RARG: variants seen among roughly 807,000 people sequenced by gnomAD.
RARG encodes the protein retinoic acid receptor gamma.
In RARG, 17 loss-of-function variants were observed where a neutral mutation model predicts 43.7. The observed-to-expected ratio is 0.39, with a 90% CI of 0.27 to 0.58. The LOEUF (loss-of-function observed/expected upper bound fraction) is 0.58. RARG is among the 20% of genes least tolerant of loss of function. The pLI, the probability that RARG is intolerant of heterozygous loss-of-function variation, is 0.57. For synonymous variants in RARG, 238 were observed against 236.4 expected, an observed-to-expected ratio of 1.01 and a Z score of -0.06; for missense variants, 346 against 598.7, an observed-to-expected ratio of 0.58 and a Z score of 4.40.
rs1467202260 is a variant in RARG, at chr12:53,213,400, C to T, written c.1018+96G>A. ...TGCAAGAATTACCAGCAGAAGAGAC[C>T]ACTGGGTCCTCCACGCCCCCTCCCA... On this transcript the variant is annotated intron_variant, in intron 8 of 9. Transcript: ENST00000425354. The surrounding 1 kb of genome is among the most constrained non-coding windows in gnomAD (Gnocchi z 4.7). 3.3e-6 allele frequency: 5 copies of T among 1,506,534 alleles called. No individual in the cohort carries two copies. The highest frequency in any genetic ancestry group is 4.6e-6 in the Non-Finnish European group (5 of 1,096,314). The allele number at this position is 1,506,534 out of a possible 1,614,324, so 93.3% of individuals were successfully genotyped here.
Position 53,211,886 on chromosome 12 carries a change from G to C in RARG, c.1178-23C>G. 2.9e-6 allele frequency: 4 copies of C among 1,389,728 alleles called. No individual in the cohort carries two copies. Among genetic ancestry groups the C allele is most frequent in the Non-Finnish European group, 3.8e-6 (4 of 1,048,370 alleles). The allele number at this position is 1,389,728 out of a possible 1,614,324, so 86.1% of individuals were successfully genotyped here. A position where few individuals can be genotyped will look rare whatever the true frequency, so the allele number is the denominator to read the frequency against. On this transcript the variant is annotated intron_variant, in intron 9 of 9. Coordinates refer to ENST00000425354, the MANE Select transcript of RARG (RefSeq NM_000966.6). The surrounding 1 kb of genome is among the most constrained non-coding windows in gnomAD (Gnocchi z 4.6). Reference sequence around the variant, plus strand: ...CTCCTACAATGGAGAGAGAAAGAGAGAGGCTCAGGAGGACAGAGGCACATG... The same window carrying C: ...CTCCTACAATGGAGAGAGAAAGAGACAGGCTCAGGAGGACAGAGGCACATG...
intron 3 of RARG, among the ~76,000 whole-genome samples, chr12:53,224,767 C>T (rs7488099): frequency 1.5e-4 from 23 of 152,108 alleles, no homozygotes; most frequent in South Asian, 4.2e-4. Flanking sequence ...CCAGGCTAGC[C>T]GCACCCTCCC....
intron 3 of RARG, among the ~76,000 whole-genome samples, chr12:53,221,828 G>T (rs1325209812): frequency 6.6e-6 from 1 of 151,630 alleles, no homozygotes; most frequent in African/African-American, 2.4e-5. Flanking sequence ...CCGCGGAGCG[G>T]GAGCGGCGCC....
chr12:53,220,293 G>C, intron 3 of RARG: 2 of 1,428,690 alleles, frequency 1.4e-6, no homozygotes, highest in Non-Finnish European at 1.8e-6. Flanking sequence ...GGACTGGGCG[G>C]GGCGCGAAGC....
At position 53,227,526 on chromosome 12, in the gene RARG, C is replaced by T. The variant is rs1314152214; in HGVS notation, c.20G>A (p.Arg7Gln). The change falls in exon 3 of 10, where the codon CGA (arginine) becomes CAA (glutamine). Residue 7 changes from arginine to glutamine, a missense_variant. By Grantham distance (43) the Arg-to-Gln change is conservative. Coordinates refer to ENST00000425354, the MANE Select transcript of RARG (RefSeq NM_000966.6). The surrounding 1 kb of genome is among the most constrained non-coding windows in gnomAD (Gnocchi z 4.3). Reference protein sequence around the residue: MATNKERLFAAGALGPG... With the variant: MATNKEQLFAAGALGPG... ...CCCCAGGGCACCAGCCGCAAAGAGT[C>T]GCTCCTTATTGGTGGCCATGGCAGC... 3 of 1,592,446 alleles carry T rather than the reference C, an allele frequency of 1.9e-6. No individual in the cohort carries two copies. Among genetic ancestry groups the T allele is most frequent in the African/African-American group, 1.4e-5 (1 of 74,004 alleles).
At position 53,214,113 on chromosome 12, in the gene RARG, C is replaced by T. The variant is rs1942689128; in HGVS notation, c.759G>A (p.Gly253=). 1.2e-6 allele frequency: 2 copies of T among 1,614,062 alleles called. No homozygotes were observed. The highest frequency in any genetic ancestry group is 3.3e-4 in the Middle Eastern group (2 of 6,062). ...GAGTGATCTGGTCAGCAATGCTGAG[C>T]CCTGTAAAGCCAGGCAACCGCTTGG... ...EFAKRLPGFT[G]LSIADQITLL... The change falls in exon 7 of 10, where the codon GGG becomes GGA. Residue 253 remains glycine, a synonymous_variant. Coordinates refer to ENST00000425354, the MANE Select transcript of RARG (RefSeq NM_000966.6).
intron 9 of RARG, among the ~76,000 whole-genome samples, chr12:53,212,414 T>A (rs1310644157): frequency 6.6e-6 from 1 of 151,868 alleles, no homozygotes; most frequent in Admixed American, 6.6e-5. Flanking sequence ...ATGTTACAGG[T>A]TTTTTTTGTT....
In RARG at chr12:53,211,656, G is replaced by A. The variant is rs369078533; in HGVS notation, c.*20C>T. ...TGCCTGAAGCCCCAACCCCCACAGCGGGGAGGTCAGGGGCCCTGGTCAGGC... is the reference window on the plus strand; with the variant it reads ...TGCCTGAAGCCCCAACCCCCACAGCAGGGAGGTCAGGGGCCCTGGTCAGGC... On this transcript the variant is annotated 3_prime_UTR_variant, in exon 10 of 10. Coordinates refer to ENST00000425354, the MANE Select transcript of RARG (RefSeq NM_000966.6). This position sits in a 1 kb window ranked among gnomAD's most constrained non-coding sequence, Gnocchi z 4.6. 36 of 1,444,514 alleles carry A rather than the reference G, an allele frequency of 2.5e-5. No individual in the cohort carries two copies. Among genetic ancestry groups the A allele is most frequent in the Non-Finnish European group, 3.2e-5 (35 of 1,099,168 alleles). The allele number at this position is 1,444,514 out of a possible 1,614,324, so 89.5% of individuals were successfully genotyped here.
chr12:53,220,218 G>A lies in RARG; in HGVS notation c.185-4424C>T, dbSNP rs1398833161. 3.2e-6 allele frequency: 5 copies of A among 1,539,690 alleles called. No individual in the cohort carries two copies. The South Asian group carries it at 6.0e-5, about 18-fold the overall frequency. On this transcript the variant is annotated intron_variant, in intron 3 of 9. Coordinates refer to ENST00000425354, the MANE Select transcript of RARG (RefSeq NM_000966.6). ...GGGGGGGAGGGGGAGGGCTAGCATA[G>A]GGCGCTGGGCTGCATGCGGGTAAGG...
At chr12:53,225,330 C>G (rs921496519) in intron 3 of RARG, among the ~76,000 whole-genome samples, 1 of 152,226 alleles carries the variant, frequency 6.6e-6, no homozygotes, top group Admixed American at 6.5e-5. Flanking sequence ...TCCCTCCTCA[C>G]TCCTCACACT....
chr12:53,214,335 T>C (rs956966295), intron 6 of RARG, 100 bp from the exon 7 acceptor site: 5 of 1,538,132 alleles, frequency 3.3e-6, no homozygotes, highest in Middle Eastern at 4.5e-4. Flanking sequence ...CTCTGCATTC[T>C]GATGCCCTCC....
Position 53,213,436 on chromosome 12 carries a change from G to A in RARG, c.1018+60C>T, listed in dbSNP as rs757840628. 14 of 1,569,714 alleles carry A rather than the reference G, an allele frequency of 8.9e-6. No homozygotes were observed. The highest frequency in any genetic ancestry group is 1.7e-4 in the Middle Eastern group (1 of 6,014). On this transcript the variant is annotated intron_variant, in intron 8 of 9. Transcript: ENST00000425354. This position sits in a 1 kb window ranked among gnomAD's most constrained non-coding sequence, Gnocchi z 4.7. Reference sequence around the variant, plus strand: ...CCACGCCCCCTCCCAGACAGATTCCGCATGGAGTGGTGGGAAAGGAGACTG... The same window carrying A: ...CCACGCCCCCTCCCAGACAGATTCCACATGGAGTGGTGGGAAAGGAGACTG...
Position 53,227,392 on chromosome 12 carries a change from G to A in RARG, c.154C>T (p.Pro52Ser), listed in dbSNP as rs200289157. The A allele has an allele frequency of 1.1e-4, 173 of 1,596,092 alleles. 1 individual carries two copies. The East Asian group carries it at 2.0e-3, about 19-fold the overall frequency. The change falls in exon 3 of 10, where the codon CCT becomes TCT. Residue 52 changes from proline to serine, a missense_variant. Physicochemically the swap from Pro to Ser is moderately conservative, Grantham distance 74 (BLOSUM62 -1). Transcript: ENST00000425354. The surrounding 1 kb of genome is among the most constrained non-coding windows in gnomAD (Gnocchi z 4.3). ...LSPSFRGLGQPDLPKEMASLS... is the reference protein window; with the variant it reads ...LSPSFRGLGQSDLPKEMASLS... ...GAGGCCATCTCCTTGGGGAGGTCAGGCTGGCCCAGGCCCCGGAAGCTAGGG... is the reference window on the plus strand; with the variant it reads ...GAGGCCATCTCCTTGGGGAGGTCAGACTGGCCCAGGCCCCGGAAGCTAGGG...
chr12:53,212,727 A>AATAT lies in RARG; in HGVS notation c.1177+354_1177+357dup, dbSNP rs775006726. On this transcript the variant is annotated intron_variant, in intron 9 of 9. Transcript: ENST00000425354. ...CAATTTGCCCAAGACTTTGTCTCTA[A>AATAT]ATATATATATACACACACACACACA... 2.0e-3 allele frequency among the ~76,000 whole-genome samples: 295 copies of AATAT among 144,776 alleles called. 1 individual carries two copies. Among genetic ancestry groups the AATAT allele is most frequent in the Middle Eastern group, 7.1e-3 (2 of 282 alleles). The allele number at this position is 144,776 out of a possible 152,430, so 95.0% of individuals were successfully genotyped here.
In RARG at chr12:53,211,652, C is replaced by T; in HGVS notation, c.*24G>A. 7.0e-7 allele frequency: 1 copy of T among 1,436,872 alleles called. No individual in the cohort carries two copies. The highest frequency in any genetic ancestry group is 9.1e-7 in the Non-Finnish European group (1 of 1,095,188). 89.0% of individuals were successfully genotyped at this position (1,436,872 alleles called of 1,614,324 possible). ...CTGCTGCCTGAAGCCCCAACCCCCA[C>T]AGCGGGGAGGTCAGGGGCCCTGGTC... On this transcript the variant is annotated 3_prime_UTR_variant, in exon 10 of 10. Transcript: ENST00000425354. This position sits in a 1 kb window ranked among gnomAD's most constrained non-coding sequence, Gnocchi z 4.6.
At chr12:53,229,567 C>G (rs911970710) in intron 2 of RARG, among the ~76,000 whole-genome samples, 3 of 152,200 alleles carry the variant, frequency 2.0e-5, no homozygotes, top group African/African-American at 4.8e-5. Flanking sequence ...AGTCTGAGCT[C>G]CAAGCCTCCA....
chr12:53,219,813 C>T lies in RARG; in HGVS notation c.185-4019G>A, dbSNP rs542412331. 6.5e-6 allele frequency: 5 copies of T among 765,410 alleles called. No individual in the cohort carries two copies. In the African/African-American group the frequency reaches 9.1e-5, roughly 14 times the overall value. 47.4% of individuals were successfully genotyped at this position (765,410 alleles called of 1,614,324 possible). ...CGCAAAGGAGACGCTGAGGCCCCCA[C>T]GTTTAAAGGGCCAGTACCTTACATA... On this transcript the variant is annotated intron_variant, in intron 3 of 9. Transcript: ENST00000425354.
rs1162919354 is a variant in RARG at position 53,227,999 on chromosome 12, A to T, written c.-142-312T>A. ...TCACCACAACTGGGCTAAGCATTTG[A>T]CCTAAACCTCACATCAGTCCTGTGA... On this transcript the variant is annotated intron_variant, in intron 2 of 9. Transcript: ENST00000425354. The surrounding 1 kb of genome is among the most constrained non-coding windows in gnomAD (Gnocchi z 4.3). 1.3e-5 allele frequency among the ~76,000 whole-genome samples: 2 copies of T among 152,194 alleles called. No homozygotes were observed. Among genetic ancestry groups the T allele is most frequent in the African/African-American group, 4.8e-5 (2 of 41,428 alleles).
rs138443820 is a variant in RARG at position 53,216,116 on chromosome 12, G to T, written c.185-322C>A. Among the ~76,000 whole-genome samples, 1,043 of 152,226 alleles carry T rather than the reference G, an allele frequency of 6.9e-3. 14 individuals carry two copies. Among genetic ancestry groups the T allele is most frequent in the African/African-American group, 0.024 (992 of 41,530 alleles). On this transcript the variant is annotated intron_variant, in intron 3 of 9. Coordinates refer to ENST00000425354, the MANE Select transcript of RARG (RefSeq NM_000966.6). ...GGCCATTCCGGAAATTGACTTCTCTGGGCCTGTTTCCCTAACTATCCAGGA... is the reference window on the plus strand; with the variant it reads ...GGCCATTCCGGAAATTGACTTCTCTTGGCCTGTTTCCCTAACTATCCAGGA...
Sources: gnomAD v4.1 joint callset for allele counts (sites outside exome capture counted in the v4.1 genomes callset) on GRCh38, gnomAD v4.1.1 for gene constraint, Gnocchi (gnomAD v3.1) non-coding constraint, MANE v1.5 for transcripts, NCBI Gene and HGNC (gene_info 2026-07-23, HGNC 2026-07-21) for gene names.